PTPRD: variants seen among roughly 807,000 people sequenced by gnomAD.
PTPRD encodes protein tyrosine phosphatase receptor type D.
Under a neutral mutation model 214.5 loss-of-function variants are expected in PTPRD, and 34 were observed. The observed-to-expected ratio is 0.16, with a 90% CI of 0.12 to 0.21. PTPRD has a LOEUF of 0.21. Among genes scored for constraint, PTPRD ranks in the 10% least tolerant of loss-of-function variants. The probability of loss-of-function intolerance (pLI) is 1.00; values close to 1 mark genes in which losing one functional copy is unlikely to be tolerated. For synonymous variants in PTPRD, 1,128 were observed against 845.7 expected, an observed-to-expected ratio of 1.33 and a Z score of -5.79; for missense variants, 2,545 against 2,398.7, an observed-to-expected ratio of 1.06 and a Z score of -1.27.
chr9:8,888,617 G>A (rs1307430686), intron 11 of PTPRD, among the ~76,000 whole-genome samples: 3 of 152,186 alleles, frequency 2.0e-5, no homozygotes, highest in African/African-American at 7.2e-5. Flanking sequence ...ACTCTTCCAA[G>A]ATTAAGTGCT....
At chr9:10,562,608 T>A (rs1040625288) in intron 2 of PTPRD, among the ~76,000 whole-genome samples, 13 of 152,158 alleles carry the variant, frequency 8.5e-5, no homozygotes, top group African/African-American at 2.9e-4. Flanking sequence ...GAATGTACTT[T>A]CAGAAAGTTA....
In PTPRD at chr9:10,041,312, T is replaced by C. The variant is rs1459344508; in HGVS notation, c.-544-7522A>G. 3.9e-5 allele frequency among the ~76,000 whole-genome samples: 6 copies of C among 151,946 alleles called. No individual in the cohort carries two copies. In the East Asian group the frequency reaches 1.2e-3, roughly 29 times the overall value. On this transcript the variant is annotated intron_variant, in intron 3 of 45. Coordinates refer to ENST00000381196, the MANE Select transcript of PTPRD (RefSeq NM_002839.4). ...AAGAGGTTTCAATTTTTATTTTGAATGTGCTAGAAAGTAAATAAATAGAAA... is the reference window on the plus strand; with the variant it reads ...AAGAGGTTTCAATTTTTATTTTGAACGTGCTAGAAAGTAAATAAATAGAAA...
At chr9:10,153,443 CCA>C (rs1213388667) in intron 3 of PTPRD, among the ~76,000 whole-genome samples, 2 of 150,970 alleles carry the variant, frequency 1.3e-5, no homozygotes, top group Non-Finnish European at 3.0e-5. Flanking sequence ...TTTTATCTTT[CCA>C]GACATTTACA....
intron 2 of PTPRD, among the ~76,000 whole-genome samples, chr9:10,447,169 T>C (rs2098805969): frequency 6.6e-6 from 1 of 150,428 alleles, no homozygotes; most frequent in Non-Finnish European, 1.5e-5. Flanking sequence ...CTAGATCTCC[T>C]GATGTGCAGC....
intron 2 of PTPRD, among the ~76,000 whole-genome samples, chr9:10,342,009 A>C (rs936159101): frequency 2.0e-5 from 3 of 152,050 alleles, no homozygotes; most frequent in Admixed American, 6.6e-5. Context: ...GCTGTGGCTT[A>C]AGTGTATGCT....
intron 2 of PTPRD, among the ~76,000 whole-genome samples, chr9:10,437,968 G>A (rs901643940): frequency 4.3e-5 from 6 of 138,924 alleles, no homozygotes; most frequent in African/African-American, 1.9e-4. Flanking sequence ...ACTGTACAGA[G>A]ACAACACAGC....
At chr9:10,447,786 T>C (rs2098809845) in intron 2 of PTPRD, among the ~76,000 whole-genome samples, 2 of 151,956 alleles carry the variant, frequency 1.3e-5, no homozygotes, top group Admixed American at 1.3e-4. Context: ...TTCTCTATTA[T>C]TTACTGCTCT....
At chr9:8,970,281 G>C (rs1473864962) in intron 11 of PTPRD, among the ~76,000 whole-genome samples, 1 of 151,844 alleles carries the variant, frequency 6.6e-6, no homozygotes, top group Non-Finnish European at 1.5e-5. Flanking sequence ...CTGTATATCT[G>C]CAGAAACACT....
rs115598451 is a variant in PTPRD at position 9,038,327 on chromosome 9, G to A, written c.-142-19592C>T. Among the ~76,000 whole-genome samples the A allele has an allele frequency of 3.4e-3, 521 of 152,178 alleles. 3 individuals carry two copies. The highest frequency in any genetic ancestry group is 0.012 in the African/African-American group (482 of 41,514). Reference sequence around the variant, plus strand: ...TTTGGTCTAGGCTGGCTGGTCCATCGCCTTTCCTTCGTCTCAGATGTATTC... The same window carrying A: ...TTTGGTCTAGGCTGGCTGGTCCATCACCTTTCCTTCGTCTCAGATGTATTC... On this transcript the variant is annotated intron_variant, in intron 10 of 45. Coordinates refer to ENST00000381196, the MANE Select transcript of PTPRD (RefSeq NM_002839.4).
intron 10 of PTPRD, among the ~76,000 whole-genome samples, chr9:9,164,968 G>T (rs148327900): frequency 9.3e-4 from 140 of 150,318 alleles, no homozygotes; most frequent in African/African-American, 3.2e-3. Context: ...TAGGAGAATC[G>T]CTTAACCCAA....
At chr9:8,787,733 T>C (rs3802396) in intron 11 of PTPRD, among the ~76,000 whole-genome samples, 23,171 of 151,954 alleles carry the variant, frequency 0.15, 2,208 homozygotes, top group East Asian at 0.41. Flanking sequence ...GAGAGGTCCC[T>C]ATTAGGTCTC....
At chr9:8,668,206 A>G (rs1044543713) in intron 12 of PTPRD, among the ~76,000 whole-genome samples, 19 of 152,288 alleles carry the variant, frequency 1.2e-4, no homozygotes, top group African/African-American at 4.3e-4. Context: ...TGCTACCTAA[A>G]GAGGTACTAG....
intron 6 of PTPRD, among the ~76,000 whole-genome samples, chr9:9,738,491 T>C: frequency 7.9e-6 from 1 of 126,224 alleles, no homozygotes; most frequent in Non-Finnish European, 1.6e-5. Flanking sequence ...TCACCCAGGT[T>C]AGAGACCATC....
chr9:8,376,949 A>T (rs2083427534), intron 37 of PTPRD, among the ~76,000 whole-genome samples: 1 of 152,146 alleles, frequency 6.6e-6, no homozygotes, highest in South Asian at 2.1e-4. Context: ...TAACAGATTC[A>T]ATTTTCCTGG....
intron 9 of PTPRD, among the ~76,000 whole-genome samples, chr9:9,358,757 T>C (rs2054839785): frequency 6.6e-6 from 1 of 151,342 alleles, no homozygotes; most frequent in Non-Finnish European, 1.5e-5. Flanking sequence ...AGATTCAGTC[T>C]TTGTGATTAA....
chr9:9,786,704 A>G (rs1247001739), intron 5 of PTPRD, among the ~76,000 whole-genome samples: 2 of 152,204 alleles, frequency 1.3e-5, no homozygotes, highest in East Asian at 3.8e-4. Flanking sequence ...GCACACCAAC[A>G]TGGCACATGT....
intron 9 of PTPRD, among the ~76,000 whole-genome samples, chr9:9,270,782 T>C (rs1048013230): frequency 1.3e-5 from 2 of 151,408 alleles, no homozygotes; most frequent in Non-Finnish European, 3.0e-5. Context: ...TGATGGTGTT[T>C]GGTCTAGCTA....
At chr9:9,736,382 T>C (rs2098294982) in intron 6 of PTPRD, among the ~76,000 whole-genome samples, 2 of 152,122 alleles carry the variant, frequency 1.3e-5, no homozygotes, top group South Asian at 2.1e-4. Flanking sequence ...TTTTCATTAC[T>C]CCTATAGTAT....
At chr9:9,959,915 A>G (rs1376387942) in intron 4 of PTPRD, among the ~76,000 whole-genome samples, 1 of 152,180 alleles carries the variant, frequency 6.6e-6, no homozygotes, top group Non-Finnish European at 1.5e-5. Flanking sequence ...ACATATAGAG[A>G]TATTTTAGAG....
Sources: allele counts gnomAD v4.1 joint callset (sites outside exome capture counted in the v4.1 genomes callset), GRCh38; gene constraint gnomAD v4.1.1; transcripts MANE v1.5; gene names NCBI Gene and HGNC (gene_info 2026-07-23, HGNC 2026-07-21).